LEPROT: variants seen among roughly 807,000 people sequenced by gnomAD.
The protein encoded by LEPROT is leptin receptor overlapping transcript, also known as leptin receptor gene-related protein.
Under a neutral mutation model 15.4 loss-of-function variants are expected in LEPROT, and 3 were observed. The ratio of observed to expected loss-of-function variants is 0.19; its 90% CI spans 0.09 to 0.50. The LOEUF is 0.50. Ranked by LOEUF, LEPROT falls within the 20% of genes least tolerant of loss-of-function variation. The pLI, the probability that LEPROT is intolerant of heterozygous loss-of-function variation, is 0.97. For missense variants in LEPROT, 137 were observed against 162.2 expected (o/e 0.84, Z 0.84); for synonymous variants, 59 against 57.5 (o/e 1.03, Z -0.12).
intron 2 of LEPROT, 84 bp from the exon 3 acceptor site, chr1:65,429,778 A>G (rs1331108373): frequency 4.3e-6 from 5 of 1,157,624 alleles, no homozygotes; most frequent in Middle Eastern, 3.2e-4. Flanking sequence ...TAAAATAGCA[A>G]TGATTTTGAA....
intron 1 of LEPROT, chr1:65,421,415 C>A (rs1439595562): frequency 4.6e-6 from 7 of 1,535,922 alleles, no homozygotes; most frequent in Non-Finnish European, 6.1e-6. Context: ...GGCTTCAGAG[C>A]AATGCGAGAC....
At position 65,434,232 on chromosome 1, in the gene LEPROT, A is replaced by G; in HGVS notation, c.*2313A>G. 1 of 975,642 alleles carries G rather than the reference A, an allele frequency of 1.0e-6. No homozygotes were observed. The highest frequency in any genetic ancestry group is 1.2e-6 in the Non-Finnish European group (1 of 821,030). 60.4% of individuals were successfully genotyped at this position (975,642 alleles called of 1,614,324 possible). ...AATATCATTTAAACAGTAAATATTAATAGGAAATATTGCTATATCTGAATA... is the reference window on the plus strand; with the variant it reads ...AATATCATTTAAACAGTAAATATTAGTAGGAAATATTGCTATATCTGAATA... On this transcript the variant is annotated 3_prime_UTR_variant, in exon 4 of 4. Transcript: ENST00000371065.
At position 65,431,988 on chromosome 1, in the gene LEPROT, G is replaced by T; in HGVS notation, c.*69G>T. The stretch of plus-strand genomic sequence containing the variant: ...ACTATCTGTATACATGTGCACATGC[G>T]GCATTTTACTATGAAATTTAATATG... On this transcript the variant is annotated 3_prime_UTR_variant, in exon 4 of 4. Transcript: ENST00000371065. 1.3e-6 allele frequency: 2 copies of T among 1,491,616 alleles called. No homozygotes were observed. The highest frequency in any genetic ancestry group is 8.9e-7 in the Non-Finnish European group (1 of 1,121,596). The allele number at this position is 1,491,616 out of a possible 1,614,324, so 92.4% of individuals were successfully genotyped here.
rs1419821851 is a variant in LEPROT, at chr1:65,425,334, T to C, written c.48T>C (p.Ile16=). ...TGGCATTATCCTTCAGTGGGGCTAT[T>C]GGACTGACTTTTCTTATGCTGGGAT... ...ALVALSFSGA[I]GLTFLMLGCA... is the part of the protein sequence containing the mutation. The change falls in exon 2 of 4, where the codon ATT becomes ATC. Residue 16 remains isoleucine, a synonymous_variant. Transcript: ENST00000371065. 1.9e-6 allele frequency: 3 copies of C among 1,608,156 alleles called. No homozygotes were observed. Among genetic ancestry groups the C allele is most frequent in the African/African-American group, 1.3e-5 (1 of 74,532 alleles).
At chr1:65,425,164 ACTAT>A (rs1646335022) in intron 1 of LEPROT, 135 bp from the exon 2 acceptor site, 3 of 674,478 alleles carry the variant, frequency 4.4e-6, no homozygotes, top group Non-Finnish European at 7.8e-6. Flanking sequence ...AGCCATCACT[ACTAT>A]CTAATTCCAG....
intron 3 of LEPROT, among the ~76,000 whole-genome samples, chr1:65,431,374 T>A (rs1402376426): frequency 6.6e-6 from 1 of 152,224 alleles, no homozygotes; most frequent in Non-Finnish European, 1.5e-5. Flanking sequence ...TTTTCAGTTG[T>A]ATGAAGACTA....
At chr1:65,431,735 T>C (rs2100229046) in intron 3 of LEPROT, 68 bp from the exon 4 acceptor site, 1 of 1,495,636 alleles carries the variant, frequency 6.7e-7, no homozygotes, top group Non-Finnish European at 9.1e-7. Context: ...ATGCAGAAAA[T>C]AATAGGGATT....
chr1:65,432,662 G>C lies in LEPROT; in HGVS notation c.*743G>C. 1.0e-6 allele frequency: 1 copy of C among 983,936 alleles called. No homozygotes were observed. The highest frequency in any genetic ancestry group is 1.2e-6 in the Non-Finnish European group (1 of 828,728). 61.0% of individuals were successfully genotyped at this position (983,936 alleles called of 1,614,324 possible). A position where few individuals can be genotyped will look rare whatever the true frequency, so the allele number is the denominator to read the frequency against. ...AGGCAGTTCCTCAAATTTATGAAAA[G>C]TGTTCTCAGAATTGGGAGACAGTCA... On this transcript the variant is annotated 3_prime_UTR_variant, in exon 4 of 4. Coordinates refer to ENST00000371065, the MANE Select transcript of LEPROT (RefSeq NM_017526.5).
intron 3 of LEPROT, 31 bp downstream of exon 3, chr1:65,430,079 C>A (rs761948743): frequency 1.3e-6 from 2 of 1,522,786 alleles, no homozygotes; most frequent in African/African-American, 2.7e-5. Flanking sequence ...TTTTGCCCAA[C>A]CGTTGCTGAG....
rs1023325187 is a variant in LEPROT, at chr1:65,435,017, A to G, written c.*3098A>G. ...GACTGCTGCACCTGCGTTTTTAGAG[A>G]ATGCCTCATAACCCACTGATTCTCA... On this transcript the variant is annotated 3_prime_UTR_variant, in exon 4 of 4. Coordinates refer to ENST00000371065, the MANE Select transcript of LEPROT (RefSeq NM_017526.5). The G allele has an allele frequency of 4.8e-5, 47 of 985,334 alleles. 1 individual carries two copies. The African/African-American group carries it at 7.7e-4, about 16-fold the overall frequency. 61.0% of individuals were successfully genotyped at this position (985,334 alleles called of 1,614,324 possible).
chr1:65,423,429 TGGTATCAGAACA>T (rs1016036696), intron 1 of LEPROT, among the ~76,000 whole-genome samples: 1 of 152,032 alleles, frequency 6.6e-6, no homozygotes, highest in Non-Finnish European at 1.5e-5. Flanking sequence ...GTTGAGAAAC[TGGTATCAGAACA>T]GAAGGAAGAG....
rs926314054 is a variant in LEPROT at position 65,435,900 on chromosome 1, A to G, written c.*3981A>G. 5 of 984,800 alleles carry G rather than the reference A, an allele frequency of 5.1e-6. No individual in the cohort carries two copies. In the African/African-American group the frequency reaches 8.7e-5, roughly 17 times the overall value. The allele number at this position is 984,800 out of a possible 1,614,324, so 61.0% of individuals were successfully genotyped here. A position where few individuals can be genotyped will look rare whatever the true frequency, so the allele number is the denominator to read the frequency against. On this transcript the variant is annotated 3_prime_UTR_variant, in exon 4 of 4. Coordinates refer to ENST00000371065, the MANE Select transcript of LEPROT (RefSeq NM_017526.5). ...ACTGAGTAATAGCTCATAAATTATA[A>G]TCTTTCAAATAGCCATGCTACCAGC...
intron 2 of LEPROT, among the ~76,000 whole-genome samples, chr1:65,427,043 G>A (rs1049573961): frequency 1.3e-5 from 2 of 151,866 alleles, no homozygotes; most frequent in Admixed American, 6.5e-5. Context: ...ACCTATTGAA[G>A]TGAGTTATTA....
chr1:65,421,895 A>C (rs1311987684), intron 1 of LEPROT, among the ~76,000 whole-genome samples: 4 of 152,234 alleles, frequency 2.6e-5, no homozygotes, highest in Non-Finnish European at 5.9e-5. Flanking sequence ...ATGGAAACGG[A>C]CTAAGGGAAG....
Position 65,434,821 on chromosome 1 carries a change from G to T in LEPROT, c.*2902G>T, listed in dbSNP as rs1168215988. The T allele has an allele frequency of 4.5e-5, 44 of 985,316 alleles. No homozygotes were observed. Among genetic ancestry groups the T allele is most frequent in the Non-Finnish European group, 4.9e-5 (41 of 830,000 alleles). 61.0% of individuals were successfully genotyped at this position (985,316 alleles called of 1,614,324 possible). On this transcript the variant is annotated 3_prime_UTR_variant, in exon 4 of 4. Transcript: ENST00000371065. ...CCCTCCTGAGGTTCTTCATATTCCA[G>T]AGTCACCCACCCTTCTCCTCCCATT...
In LEPROT at chr1:65,435,460, C is replaced by T. The variant is rs1284675777; in HGVS notation, c.*3541C>T. 7 of 482,176 alleles carry T rather than the reference C, an allele frequency of 1.5e-5. No individual in the cohort carries two copies. Among genetic ancestry groups the T allele is most frequent in the East Asian group, 1.5e-4 (1 of 6,508 alleles). 29.9% of individuals were successfully genotyped at this position (482,176 alleles called of 1,614,324 possible). ...TTGGCTCACTGCAAGCTCCGCCTCC[C>T]GGGTTCACGCCATTCTCCTGCCTCA... On this transcript the variant is annotated 3_prime_UTR_variant, in exon 4 of 4. Coordinates refer to ENST00000371065, the MANE Select transcript of LEPROT (RefSeq NM_017526.5).
At chr1:65,431,287 C>T (rs1557585663) in intron 3 of LEPROT, among the ~76,000 whole-genome samples, 1 of 152,122 alleles carries the variant, frequency 6.6e-6, no homozygotes. Context: ...ACAAAAAATG[C>T]CCACTAGAGG....
intron 2 of LEPROT, chr1:65,428,068 T>C (rs1327812452): frequency 1.9e-5 from 3 of 154,264 alleles, no homozygotes; most frequent in Non-Finnish European, 4.3e-5. Flanking sequence ...CTGCCAATTA[T>C]CTTTGGCAGA....
chr1:65,425,880 G>A (rs1490099344), intron 2 of LEPROT, among the ~76,000 whole-genome samples: 8 of 152,126 alleles, frequency 5.3e-5, no homozygotes, highest in Admixed American at 5.2e-4. Context: ...CCAGGCAGAG[G>A]GAACATTCTA....
Sources: allele counts gnomAD v4.1 joint callset (sites outside exome capture counted in the v4.1 genomes callset), GRCh38; gene constraint gnomAD v4.1.1; transcripts MANE v1.5; gene names NCBI Gene and HGNC (gene_info 2026-07-23, HGNC 2026-07-21).